ZNF592: variants seen among roughly 807,000 people sequenced by gnomAD.
The protein encoded by ZNF592 is zinc finger protein 592.
Under a neutral mutation model 80.3 loss-of-function variants are expected in ZNF592, and 11 were observed. The ratio of observed to expected loss-of-function variants is 0.14; its 90% CI spans 0.09 to 0.23. The LOEUF (loss-of-function observed/expected upper bound fraction) is 0.23, where lower values mean the gene tolerates loss of function less well. ZNF592 is among the 10% of genes least tolerant of loss of function. The pLI, the probability that ZNF592 is intolerant of heterozygous loss-of-function variation, is 1.00. For synonymous variants in ZNF592, 646 were observed against 640.3 expected, an observed-to-expected ratio of 1.01 and a Z score of -0.13; for missense variants, 1,420 against 1,633.9, an observed-to-expected ratio of 0.87 and a Z score of 2.26.
In ZNF592 at chr15:84,803,309, C is replaced by T. The variant is rs1223564683; in HGVS notation, c.*916C>T. The T allele has an allele frequency of 6.5e-6, 1 of 152,706 alleles. No homozygotes were observed. Among genetic ancestry groups the T allele is most frequent in the East Asian group, 1.9e-4 (1 of 5,198 alleles). The allele number at this position is 152,706 out of a possible 1,614,324, so 9.5% of individuals were successfully genotyped here. On this transcript the variant is annotated 3_prime_UTR_variant, in exon 11 of 11. Transcript: ENST00000560079. The stretch of plus-strand genomic sequence containing the variant: ...AATCTTCTCACCATGCAGGTAGGCT[C>T]TTGTATTCCTCTCCAAGTGAGCCTG...
chr15:84,752,723 T>C (rs1899048362), intron 1 of ZNF592, among the ~76,000 whole-genome samples: 1 of 152,148 alleles, frequency 6.6e-6, no homozygotes, highest in Non-Finnish European at 1.5e-5. Context: ...TGGAGATAGA[T>C]GTTATCGTGG....
intron 1 of ZNF592, among the ~76,000 whole-genome samples, chr15:84,752,339 A>C (rs1469165377): frequency 6.6e-6 from 1 of 152,186 alleles, no homozygotes; most frequent in Non-Finnish European, 1.5e-5. Flanking sequence ...CAGATATTTT[A>C]AAGGATGAGT....
rs1465914096 is a variant in ZNF592, at chr15:84,783,409, A to G, written c.734A>G (p.Asn245Ser). The G allele has an allele frequency of 1.2e-6, 2 of 1,614,216 alleles. No homozygotes were observed. The highest frequency in any genetic ancestry group is 1.3e-5 in the African/African-American group (1 of 75,064). ...TRFFGEALEF[N>S]SHPSNSIGES... ...TTCTTCGGGGAAGCTTTGGAGTTCA[A>G]CAGCCATCCTAGCAACAGTATTGGA... is the stretch of plus-strand genomic sequence containing the variant. Residue 245 changes from asparagine (N) to serine (S), a missense_variant, in exon 4 of 11, where the codon AAC becomes AGC. Asn to Ser is a conservative substitution (Grantham distance 46). Transcript: ENST00000560079. This position sits in a 1 kb window ranked among gnomAD's most constrained non-coding sequence, Gnocchi z 5.0.
intron 2 of ZNF592, among the ~76,000 whole-genome samples, chr15:84,774,037 C>T (rs934169361): frequency 2.0e-5 from 3 of 152,216 alleles, no homozygotes; most frequent in African/African-American, 7.2e-5. Context: ...ACAGTCTAAG[C>T]TGATTGAACA....
At chr15:84,785,255 G>C (rs1031851889) in intron 4 of ZNF592, among the ~76,000 whole-genome samples, 13 of 152,140 alleles carry the variant, frequency 8.5e-5, no homozygotes, top group African/African-American at 3.1e-4. Context: ...AAGGAACTTG[G>C]GGACAGAGAT....
At chr15:84,775,655 A>G (rs891175003) in intron 2 of ZNF592, among the ~76,000 whole-genome samples, 5 of 150,342 alleles carry the variant, frequency 3.3e-5, no homozygotes, top group Admixed American at 2.0e-4. Flanking sequence ...CTGGTCTCAA[A>G]CTGACCTCAA....
chr15:84,789,315 A>T (rs1205595042), intron 4 of ZNF592, among the ~76,000 whole-genome samples: 6 of 150,678 alleles, frequency 4.0e-5, no homozygotes, highest in Non-Finnish European at 8.9e-5. Flanking sequence ...ACCACATTTT[A>T]TTTATCCTTT....
intron 5 of ZNF592, among the ~76,000 whole-genome samples, chr15:84,793,474 A>C (rs1962807919): frequency 6.6e-6 from 1 of 152,246 alleles, no homozygotes; most frequent in Admixed American, 6.5e-5. Flanking sequence ...AAAGCAGTTC[A>C]GTTTATCAAA....
chr15:84,785,663 G>T (rs769376796), intron 4 of ZNF592, among the ~76,000 whole-genome samples: 10 of 152,222 alleles, frequency 6.6e-5, no homozygotes, highest in Non-Finnish European at 1.5e-4. Flanking sequence ...TGACACAGCT[G>T]TTCTTGCAGA....
Position 84,758,103 on chromosome 15 carries a change from G to A in ZNF592, c.-258-6604G>A, listed in dbSNP as rs182304117. 6.1e-3 allele frequency among the ~76,000 whole-genome samples: 934 copies of A among 151,936 alleles called. 5 individuals carry two copies. Among genetic ancestry groups the A allele is most frequent in the Middle Eastern group, 0.01 (3 of 294 alleles). ...TTCTCCTGCCTCAGCCTCCCGAGTA[G>A]CTGGGACTACAGGCGCCTGCCACCA... On this transcript the variant is annotated intron_variant, in intron 1 of 10. Transcript: ENST00000560079.
chr15:84,781,817 C>T (rs1176728543), intron 3 of ZNF592, among the ~76,000 whole-genome samples: 5 of 152,174 alleles, frequency 3.3e-5, no homozygotes. Flanking sequence ...TCTCTAGGGC[C>T]TTGTGTTTCC....
intron 5 of ZNF592, among the ~76,000 whole-genome samples, chr15:84,792,198 A>T (rs1962768635): frequency 6.6e-6 from 1 of 152,116 alleles, no homozygotes; most frequent in Non-Finnish European, 1.5e-5. Context: ...TTTAGGAAGA[A>T]GCATCAAGAT....
intron 1 of ZNF592, among the ~76,000 whole-genome samples, chr15:84,762,187 A>T (rs955126602): frequency 1.1e-4 from 17 of 152,242 alleles, no homozygotes; most frequent in African/African-American, 3.6e-4. Context: ...AATAAACACA[A>T]ATCTTACTCT....
intron 3 of ZNF592, among the ~76,000 whole-genome samples, chr15:84,781,664 G>A (rs1381544541): frequency 6.6e-6 from 1 of 152,196 alleles, no homozygotes; most frequent in Non-Finnish European, 1.5e-5. Context: ...ACTTAAGCCA[G>A]TAAAGGCCCT....
At position 84,782,992 on chromosome 15, in the gene ZNF592, A is replaced by G. The variant is rs1962463744; in HGVS notation, c.317A>G (p.Asn106Ser). Residue 106 changes from asparagine (N) to serine (S), a missense_variant, in exon 4 of 11, where the codon AAC (asparagine) becomes AGC (serine). Around this residue, in one of 7 missense-constraint regions of ZNF592, gnomAD observed 373 missense variants for 355.5 expected, o/e 1.05. Coordinates refer to ENST00000560079, the MANE Select transcript of ZNF592 (RefSeq NM_014630.3). ...RGSDLPPDPH[N>S]CGKFDSTFMN... ...TCAGATCTGCCTCCAGATCCCCACAACTGTGGGAAATTTGATTCTACTTTT... is the reference window on the plus strand; with the variant it reads ...TCAGATCTGCCTCCAGATCCCCACAGCTGTGGGAAATTTGATTCTACTTTT... The G allele has an allele frequency of 3.1e-6, 5 of 1,613,976 alleles. No individual in the cohort carries two copies. The South Asian group carries it at 4.4e-5, about 14-fold the overall frequency.
In ZNF592 at chr15:84,783,426, A is replaced by T; in HGVS notation, c.751A>T (p.Ser251Cys). Residue 251 changes from serine to cysteine, a missense_variant, in exon 4 of 11, where the codon AGT becomes TGT. Transcript: ENST00000560079. The surrounding 1 kb of genome is among the most constrained non-coding windows in gnomAD (Gnocchi z 5.0). ...ALEFNSHPSN[S>C]IGESKGLARE... ...GGAGTTCAACAGCCATCCTAGCAAC[A>T]GTATTGGAGAGTCCAAGGGGCTTGC... 1.2e-6 allele frequency: 2 copies of T among 1,614,208 alleles called. No homozygotes were observed. The highest frequency in any genetic ancestry group is 2.2e-5 in the South Asian group (2 of 91,086).
At chr15:84,766,920 TC>T (rs1335762586) in intron 2 of ZNF592, among the ~76,000 whole-genome samples, 1 of 152,094 alleles carries the variant, frequency 6.6e-6, no homozygotes, top group Non-Finnish European at 1.5e-5. Context: ...CTGTAGGTTG[TC>T]TGTGGTAGAT....
chr15:84,794,128 A>G (rs1432270070), intron 5 of ZNF592, among the ~76,000 whole-genome samples: 1 of 152,124 alleles, frequency 6.6e-6, no homozygotes, highest in Non-Finnish European at 1.5e-5. Flanking sequence ...CATTAGGAGA[A>G]ATACCTAATG....
rs1306022739 is a variant in ZNF592 at position 84,804,595 on chromosome 15, C to T, written c.*2202C>T. ...CCTTCACAATAGAGTTAGTAATTCC[C>T]ATCCAACTGGCTTCACAGGCTTTTG... On this transcript the variant is annotated 3_prime_UTR_variant, in exon 11 of 11. Transcript: ENST00000560079. The T allele has an allele frequency of 6.6e-6, 1 of 152,234 alleles. No homozygotes were observed. Among genetic ancestry groups the T allele is most frequent in the East Asian group, 1.9e-4 (1 of 5,200 alleles). The allele number at this position is 152,234 out of a possible 1,614,324, so 9.4% of individuals were successfully genotyped here.
Sources: allele counts gnomAD v4.1 joint callset (sites outside exome capture counted in the v4.1 genomes callset), GRCh38; gene constraint gnomAD v4.1.1; regional missense constraint gnomAD v4.1.1; non-coding constraint Gnocchi (gnomAD v3.1); transcripts MANE v1.5; gene names NCBI Gene and HGNC (gene_info 2026-07-23, HGNC 2026-07-21).